Variants in AARD observed in about 807,000 individuals in gnomAD.
AARD encodes alanine and arginine rich domain containing protein, also known as alanine- and arginine-rich domain-containing protein.
In AARD, 9 loss-of-function variants were observed where a neutral mutation model predicts 9.3. The ratio of observed to expected loss-of-function variants is 0.97; its 90% CI spans 0.58 to 1.69. The LOEUF (loss-of-function observed/expected upper bound fraction) is 1.69. Among genes scored for constraint, AARD ranks in the 40% most tolerant of loss-of-function variants. The pLI is 0.00. For synonymous variants in AARD, 91 were observed against 93.8 expected, an observed-to-expected ratio of 0.97 and a Z score of 0.17; for missense variants, 236 against 210.3, an observed-to-expected ratio of 1.12 and a Z score of -0.76.
At chr8:116,940,156 A>G (rs1213799325) in intron 1 of AARD, among the ~76,000 whole-genome samples, 3 of 152,198 alleles carry the variant, frequency 2.0e-5, no homozygotes, top group African/African-American at 7.2e-5. Flanking sequence ...TACCATTTAC[A>G]GGTTCTGCTA....
intron 1 of AARD, among the ~76,000 whole-genome samples, chr8:116,940,614 T>C (rs1813734560): frequency 6.6e-6 from 1 of 151,440 alleles, no homozygotes; most frequent in Admixed American, 6.6e-5. Flanking sequence ...GGAACTGACA[T>C]ATATTCCTAT....
intron 1 of AARD, among the ~76,000 whole-genome samples, chr8:116,940,487 T>C (rs550430210): frequency 6.6e-6 from 1 of 152,292 alleles, no homozygotes; most frequent in African/African-American, 2.4e-5. Flanking sequence ...AACATCTTGG[T>C]CAATCATTTT....
At chr8:116,941,885 A>G (rs917426324) in intron 1 of AARD, among the ~76,000 whole-genome samples, 2 of 152,194 alleles carry the variant, frequency 1.3e-5, no homozygotes, top group Non-Finnish European at 2.9e-5. Flanking sequence ...TACAAAGATT[A>G]TGTTGGACTA....
chr8:116,938,207 A>C lies in AARD; in HGVS notation c.-37A>C. On this transcript the variant is annotated 5_prime_UTR_variant, in exon 1 of 2. Transcript: ENST00000378279. ...CATCAAACTTAGAAACTCATCTTTC[A>C]GCAGCAGCGGTAGAGCAGTGACCAG... 6.6e-7 allele frequency: 1 copy of C among 1,514,576 alleles called. No individual in the cohort carries two copies. The highest frequency in any genetic ancestry group is 8.8e-7 in the Non-Finnish European group (1 of 1,130,706). The allele number at this position is 1,514,576 out of a possible 1,614,324, so 93.8% of individuals were successfully genotyped here.
chr8:116,940,235 A>G (rs1813728914), intron 1 of AARD, among the ~76,000 whole-genome samples: 1 of 152,226 alleles, frequency 6.6e-6, no homozygotes, highest in South Asian at 2.1e-4. Flanking sequence ...CATCTGTAAA[A>G]TGGAATTTAT....
rs1378010493 is a variant in AARD, at chr8:116,943,991, G to T, written c.*1290G>T. ...ACAGTAAAGTTAATAAAAAATAGTTGCAGATCTAAGTGATATTTATAATGG... is the reference window on the plus strand; with the variant it reads ...ACAGTAAAGTTAATAAAAAATAGTTTCAGATCTAAGTGATATTTATAATGG... On this transcript the variant is annotated 3_prime_UTR_variant, in exon 2 of 2. Coordinates refer to ENST00000378279, the MANE Select transcript of AARD (RefSeq NM_001025357.3). 2.0e-5 allele frequency: 3 copies of T among 152,110 alleles called. No individual in the cohort carries two copies. Among genetic ancestry groups the T allele is most frequent in the Admixed American group, 2.0e-4 (3 of 15,278 alleles). 9.4% of individuals were successfully genotyped at this position (152,110 alleles called of 1,614,324 possible).
At chr8:116,938,809 T>C in intron 1 of AARD, 2 of 506,960 alleles carry the variant, frequency 3.9e-6, no homozygotes, top group South Asian at 4.3e-5. Context: ...AGATGTCTCC[T>C]CCCCAACCCG....
In AARD at chr8:116,942,592, G is replaced by T. The variant is rs1350017704; in HGVS notation, c.359G>T (p.Arg120Ile). The T allele has an allele frequency of 6.2e-7, 1 of 1,613,588 alleles. No homozygotes were observed. The highest frequency in any genetic ancestry group is 1.1e-5 in the South Asian group (1 of 91,046). Residue 120 changes from arginine to isoleucine, a missense_variant, in exon 2 of 2, where the codon AGA becomes ATA. Coordinates refer to ENST00000378279, the MANE Select transcript of AARD (RefSeq NM_001025357.3). ...CATTTCCAAAACCACCAGCTGGCTA[G>T]AACTTTACTGGACCTAAACATGAAA... Reference protein sequence around the residue: ...EMHFQNHQLARTLLDLNMKVQ... With the variant: ...EMHFQNHQLAITLLDLNMKVQ...
chr8:116,941,594 T>C (rs1813745719), intron 1 of AARD, among the ~76,000 whole-genome samples: 1 of 152,246 alleles, frequency 6.6e-6, no homozygotes, highest in Admixed American at 6.5e-5. Context: ...TCTTTGCTAA[T>C]TCTTGCTGTC....
chr8:116,942,692 T>C lies in AARD; in HGVS notation c.459T>C (p.Asn153=). 6.2e-7 allele frequency: 1 copy of C among 1,613,392 alleles called. No individual in the cohort carries two copies. Among genetic ancestry groups the C allele is most frequent in the South Asian group, 1.1e-5 (1 of 91,072 alleles). ...AAAGCCCAAAAGATGATGCTGCGAA[T>C]CCGGAATAAAGAAATGCACACGCAA... ...DSQSPKDDAA[N]PE Residue 153 remains asparagine (N), a synonymous_variant, in exon 2 of 2, where the codon AAT becomes AAC. Transcript: ENST00000378279.
intron 1 of AARD, among the ~76,000 whole-genome samples, chr8:116,939,822 G>A (rs1171318365): frequency 1.3e-5 from 2 of 152,188 alleles, no homozygotes; most frequent in African/African-American, 4.8e-5. Flanking sequence ...GGCCACTGGA[G>A]GCCTGTGCTA....
Position 116,938,338 on chromosome 8 carries a change from C to T in AARD, c.95C>T (p.Pro32Leu), listed in dbSNP as rs1023245307. 6 of 1,612,904 alleles carry T rather than the reference C, an allele frequency of 3.7e-6. No individual in the cohort carries two copies. Among genetic ancestry groups the T allele is most frequent in the Non-Finnish European group, 5.1e-6 (6 of 1,179,950 alleles). Residue 32 changes from proline to leucine, a missense_variant, in exon 1 of 2, where the codon CCC becomes CTC. Coordinates refer to ENST00000378279, the MANE Select transcript of AARD (RefSeq NM_001025357.3). The stretch of plus-strand genomic sequence containing the variant: ...GCGGAGCTTTGGTTCCCACCTCGTC[C>T]CGCGTGCGACTTCTTCGGGGACGGC... Reference protein sequence around the residue: ...GRAELWFPPRPACDFFGDGRS... With the variant: ...GRAELWFPPRLACDFFGDGRS...
At position 116,942,855 on chromosome 8, in the gene AARD, C is replaced by T. The variant is rs1046894339; in HGVS notation, c.*154C>T. ...CTCTACTAAAAATACAAAAAATTAGCCAGACGTGGTGGCAGGCACCTGTAG... is the reference window on the plus strand; with the variant it reads ...CTCTACTAAAAATACAAAAAATTAGTCAGACGTGGTGGCAGGCACCTGTAG... On this transcript the variant is annotated 3_prime_UTR_variant, in exon 2 of 2. Coordinates refer to ENST00000378279, the MANE Select transcript of AARD (RefSeq NM_001025357.3). 1 of 637,108 alleles carries T rather than the reference C, an allele frequency of 1.6e-6. No homozygotes were observed. Among genetic ancestry groups the T allele is most frequent in the Admixed American group, 3.2e-5 (1 of 31,484 alleles). The allele number at this position is 637,108 out of a possible 1,614,324, so 39.5% of individuals were successfully genotyped here.
At position 116,938,439 on chromosome 8, in the gene AARD, G is replaced by A. The variant is rs776785256; in HGVS notation, c.196G>A (p.Ala66Thr). The change falls in exon 1 of 2, where the codon GCC becomes ACC. Residue 66 changes from alanine to threonine, a missense_variant. Physicochemically the swap from Ala to Thr is moderately conservative, Grantham distance 58. Coordinates refer to ENST00000378279, the MANE Select transcript of AARD (RefSeq NM_001025357.3). ...LEDLRRRLTR[A>T]FQWAVQRAIS... ...GGACCTCAGACGACGGCTGACGCGC[G>A]CCTTCCAGTGGGCGGTGCAGCGCGC... The A allele has an allele frequency of 6.2e-7, 1 of 1,608,130 alleles. No individual in the cohort carries two copies. The highest frequency in any genetic ancestry group is 8.5e-7 in the Non-Finnish European group (1 of 1,178,028).
intron 1 of AARD, among the ~76,000 whole-genome samples, chr8:116,939,419 G>A (rs1364524385): frequency 6.6e-6 from 1 of 152,184 alleles, no homozygotes. Flanking sequence ...ATCACCTGAG[G>A]CCAGGAGTTC....
chr8:116,938,274 G>A lies in AARD; in HGVS notation c.31G>A (p.Glu11Lys), dbSNP rs144192535. The change falls in exon 1 of 2, where the codon GAG becomes AAG. Residue 11 changes from glutamate (E) to lysine (K), a missense_variant. Coordinates refer to ENST00000378279, the MANE Select transcript of AARD (RefSeq NM_001025357.3). The stretch of plus-strand genomic sequence containing the variant: ...CCCCGGGGACTTCCGCCGCTGCAGA[G>A]AGAGAATTTCCCAGGGGCTCCAGGG... MGPGDFRRCR[E>K]RISQGLQGLP... is the part of the protein sequence containing the mutation. 6.2e-6 allele frequency: 10 copies of A among 1,605,776 alleles called. No individual in the cohort carries two copies. Among genetic ancestry groups the A allele is most frequent in the Non-Finnish European group, 8.5e-6 (10 of 1,176,438 alleles).
chr8:116,941,053 TTCAC>T (rs1243663178), intron 1 of AARD, among the ~76,000 whole-genome samples: 1 of 152,158 alleles, frequency 6.6e-6, no homozygotes, highest in African/African-American at 2.4e-5. Flanking sequence ...AATTAATTAA[TTCAC>T]TCACTCTTAT....
Position 116,938,249 on chromosome 8 carries a change from C to T in AARD, c.6C>T (p.Gly2=), listed in dbSNP as rs1376142437. The T allele has an allele frequency of 1.3e-6, 2 of 1,572,850 alleles. No individual in the cohort carries two copies. The highest frequency in any genetic ancestry group is 1.7e-5 in the Admixed American group (1 of 58,210). Residue 2 remains glycine (G), a synonymous_variant, in exon 1 of 2, where the codon GGC becomes GGT. Transcript: ENST00000378279. The part of the protein sequence containing the change: M[G]PGDFRRCRER... ...AGTGACCAGGCGTCTCCGCGATGGG[C>T]CCCGGGGACTTCCGCCGCTGCAGAG...
In AARD at chr8:116,938,551, G is replaced by C. The variant is rs752076216; in HGVS notation, c.308G>C (p.Arg103Thr). The change falls in exon 1 of 2, where the codon AGG becomes ACG. Residue 103 changes from arginine (R) to threonine (T), a missense_variant. Transcript: ENST00000378279. The stretch of plus-strand genomic sequence containing the variant: ...ACGGGCGTTGAGGCCACCCTGGCCA[G>C]GCTGCGGGCGGAGCTGGTGAGAGAG... ...SWTGVEATLARLRAELVEMHF... is the reference protein window; with the variant it reads ...SWTGVEATLATLRAELVEMHF... The C allele has an allele frequency of 2.7e-5, 39 of 1,438,492 alleles. No homozygotes were observed. The highest frequency in any genetic ancestry group is 3.3e-5 in the Non-Finnish European group (37 of 1,107,974). The allele number at this position is 1,438,492 out of a possible 1,614,324, so 89.1% of individuals were successfully genotyped here.
Sources: allele counts gnomAD v4.1 joint callset (sites outside exome capture counted in the v4.1 genomes callset), GRCh38; gene constraint gnomAD v4.1.1; transcripts MANE v1.5; gene names NCBI Gene and HGNC (gene_info 2026-07-23, HGNC 2026-07-21).